SLC27A2: variants seen among roughly 807,000 people sequenced by gnomAD.
The protein encoded by SLC27A2 is solute carrier family 27 member 2, also known as long-chain fatty acid transport protein 2.
A neutral mutation model predicts 60.0 loss-of-function variants in SLC27A2; 54 were observed. The observed-to-expected ratio is 0.90, with a 90% CI of 0.72 to 1.13. SLC27A2 has a LOEUF of 1.13. SLC27A2 is among the 50% of genes most tolerant of loss of function. SLC27A2 has a pLI of 0.00. For missense variants in SLC27A2, 739 were observed against 777.6 expected, an observed-to-expected ratio of 0.95 and a Z score of 0.59; for synonymous variants, 297 against 297.6, an observed-to-expected ratio of 1.00 and a Z score of 0.02.
At chr15:50,199,749 C>T (rs1485489083) in intron 2 of SLC27A2, among the ~76,000 whole-genome samples, 1 of 151,784 alleles carries the variant, frequency 6.6e-6, no homozygotes, top group African/African-American at 2.4e-5. Context: ...GGCAACATAG[C>T]GAGACCACAT....
intron 1 of SLC27A2, among the ~76,000 whole-genome samples, chr15:50,187,101 A>G (rs1470528893): frequency 6.6e-6 from 1 of 152,226 alleles, no homozygotes; most frequent in Non-Finnish European, 1.5e-5. Flanking sequence ...CCCTATCAGG[A>G]ATTTCAGTAC....
At chr15:50,216,931 T>G (rs1422813361) in intron 4 of SLC27A2, among the ~76,000 whole-genome samples, 1 of 140,356 alleles carries the variant, frequency 7.1e-6, no homozygotes, top group Non-Finnish European at 1.5e-5. Context: ...AAGGAATAAA[T>G]TAACAGCATT....
intron 1 of SLC27A2, among the ~76,000 whole-genome samples, chr15:50,195,872 T>C (rs2045011152): frequency 6.7e-6 from 1 of 148,978 alleles, no homozygotes; most frequent in South Asian, 2.1e-4. Context: ...TGGCTAACAC[T>C]GTGAAACCCC....
chr15:50,215,853 A>G (rs1394435804), intron 4 of SLC27A2, among the ~76,000 whole-genome samples: 3 of 152,246 alleles, frequency 2.0e-5, no homozygotes, highest in Non-Finnish European at 4.4e-5. Flanking sequence ...CGAAACTATA[A>G]AAATTCTAGA....
At chr15:50,190,500 G>T (rs908717497) in intron 1 of SLC27A2, among the ~76,000 whole-genome samples, 1 of 152,068 alleles carries the variant, frequency 6.6e-6, no homozygotes, top group East Asian at 1.9e-4. Flanking sequence ...GAAAGCTGCA[G>T]GTTTAGCCTG....
At chr15:50,198,229 A>G (rs2045039705) in intron 2 of SLC27A2, 1 of 151,450 alleles carries the variant, frequency 6.6e-6, no homozygotes, top group Non-Finnish European at 1.5e-5. Context: ...ATTTCATCAA[A>G]TCTAGGATGC....
At position 50,182,838 on chromosome 15, in the gene SLC27A2, C is replaced by T. The variant is rs1439658472; in HGVS notation, c.411C>T (p.Asn137=). The T allele has an allele frequency of 5.0e-6, 8 of 1,613,294 alleles. No individual in the cohort carries two copies. Among genetic ancestry groups the T allele is most frequent in the Non-Finnish European group, 6.8e-6 (8 of 1,179,980 alleles). ...GTGCCATGGCGTGCCTCAATTACAA[C>T]ATCCGCGCGAAGTCCCTGCTGCACT... The part of the protein sequence containing the change: ...LGCAMACLNY[N]IRAKSLLHCF... The change falls in exon 1 of 10, where the codon AAC becomes AAT. Residue 137 remains asparagine, a synonymous_variant. Transcript: ENST00000267842.
At chr15:50,231,024 A>T (rs1400790954) in intron 8 of SLC27A2, among the ~76,000 whole-genome samples, 8 of 152,180 alleles carry the variant, frequency 5.3e-5, no homozygotes. Context: ...CAAACACCCC[A>T]GAGATTCTTA....
At chr15:50,183,856 A>G (rs577905977) in intron 1 of SLC27A2, among the ~76,000 whole-genome samples, 1 of 152,244 alleles carries the variant, frequency 6.6e-6, no homozygotes, top group South Asian at 2.1e-4. Context: ...TAAGCCCTAT[A>G]GTAGATGCTT....
At chr15:50,211,305 G>A (rs192401101) in intron 4 of SLC27A2, among the ~76,000 whole-genome samples, 2 of 152,258 alleles carry the variant, frequency 1.3e-5, no homozygotes, top group African/African-American at 2.4e-5. Context: ...CACATCACAG[G>A]ACTCTGTTCA....
chr15:50,215,770 T>C (rs2045190550), intron 4 of SLC27A2, among the ~76,000 whole-genome samples: 1 of 152,114 alleles, frequency 6.6e-6, no homozygotes, highest in African/African-American at 2.4e-5. Context: ...ATGTGTAGAA[T>C]AAAACTGGAT....
In SLC27A2 at chr15:50,182,267, CGGA is replaced by C; in HGVS notation, c.-156_-154del. ...CCGGAGCCCGCGGCGGTACCTGCAGCGGAGGAGCTCTGTCTTCCCCTTCATCTC... is the reference window on the plus strand; with the variant it reads ...CCGGAGCCCGCGGCGGTACCTGCAGCGGAGCTCTGTCTTCCCCTTCATCTC... On this transcript the variant is annotated 5_prime_UTR_variant, in exon 1 of 10. Transcript: ENST00000267842. 1 of 1,158,848 alleles carries C rather than the reference CGGA, an allele frequency of 8.6e-7. No individual in the cohort carries two copies. The highest frequency in any genetic ancestry group is 1.1e-6 in the Non-Finnish European group (1 of 907,184). 71.8% of individuals were successfully genotyped at this position (1,158,848 alleles called of 1,614,324 possible). A position where few individuals can be genotyped will look rare whatever the true frequency, so the allele number is the denominator to read the frequency against.
At chr15:50,188,290 A>T (rs976862143) in intron 1 of SLC27A2, among the ~76,000 whole-genome samples, 12 of 152,248 alleles carry the variant, frequency 7.9e-5, no homozygotes, top group African/African-American at 2.6e-4. Context: ...GGTGCTTAAA[A>T]CAGTGAGATG....
chr15:50,183,774 G>T (rs755000799), intron 1 of SLC27A2, among the ~76,000 whole-genome samples: 6 of 152,122 alleles, frequency 3.9e-5, no homozygotes, highest in Admixed American at 2.0e-4. Flanking sequence ...GGAGTGGGCT[G>T]AAAGACCTGG....
At chr15:50,215,508 G>A (rs1026742455) in intron 4 of SLC27A2, among the ~76,000 whole-genome samples, 19 of 151,974 alleles carry the variant, frequency 1.3e-4, no homozygotes, top group African/African-American at 4.6e-4. Flanking sequence ...CATAGCCAAA[G>A]CAAGACTAAG....
At position 50,233,814 on chromosome 15, in the gene SLC27A2, T is replaced by A. The variant is rs2045331202; in HGVS notation, c.1556-54T>A. The A allele has an allele frequency of 2.0e-6, 3 of 1,499,152 alleles. No homozygotes were observed. The African/African-American group carries it at 4.2e-5, about 21-fold the overall frequency. The allele number at this position is 1,499,152 out of a possible 1,614,324, so 92.9% of individuals were successfully genotyped here. ...CTGAGCCCACAGTTCTTTGAACTAA[T>A]AAAGCATCATAAATAGCCTTAACAC... is the stretch of plus-strand genomic sequence containing the variant. On this transcript the variant is annotated intron_variant, in intron 8 of 9. Coordinates refer to ENST00000267842, the MANE Select transcript of SLC27A2 (RefSeq NM_003645.4).
intron 4 of SLC27A2, among the ~76,000 whole-genome samples, chr15:50,209,595 T>C (rs994640155): frequency 2.0e-5 from 3 of 152,030 alleles, no homozygotes; most frequent in Admixed American, 6.6e-5. Context: ...GAGACTCAAA[T>C]GTGAACATGA....
At chr15:50,191,884 A>T (rs1595680503) in intron 1 of SLC27A2, among the ~76,000 whole-genome samples, 1 of 152,022 alleles carries the variant, frequency 6.6e-6, no homozygotes. Context: ...AATTGGTGAA[A>T]CCCCATCTCT....
chr15:50,230,189 G>A (rs1019447876), intron 8 of SLC27A2, among the ~76,000 whole-genome samples: 9 of 141,914 alleles, frequency 6.3e-5, no homozygotes, highest in East Asian at 4.4e-4. Context: ...AGCCGAGATC[G>A]TGCCATTGCA....
Sources: gnomAD v4.1 joint callset for allele counts (sites outside exome capture counted in the v4.1 genomes callset) on GRCh38, gnomAD v4.1.1 for gene constraint, MANE v1.5 for transcripts, NCBI Gene and HGNC (gene_info 2026-07-23, HGNC 2026-07-21) for gene names.